The following RASGEF1A variants were observed in gnomAD, a reference collection of about 807,000 sequenced individuals.
The protein encoded by RASGEF1A is ras-GEF domain-containing family member 1A.
A neutral mutation model predicts 56.4 loss-of-function variants in RASGEF1A; 18 were observed. The ratio of observed to expected loss-of-function variants is 0.32; its 90% CI spans 0.22 to 0.47. The LOEUF (loss-of-function observed/expected upper bound fraction) is 0.47, where lower values mean the gene tolerates loss of function less well. Ranked by LOEUF, RASGEF1A falls within the 20% of genes least tolerant of loss-of-function variation. RASGEF1A has a pLI of 1.00. For synonymous variants in RASGEF1A, 245 were observed against 242.6 expected (o/e 1.01, Z -0.09); for missense variants, 422 against 627.1 (o/e 0.67, Z 3.49).
chr10:43,251,587 A>T (rs1840628134), intron 1 of RASGEF1A, among the ~76,000 whole-genome samples: 1 of 152,206 alleles, frequency 6.6e-6, no homozygotes, highest in Admixed American at 6.5e-5. Context: ...ATGTCAGCCC[A>T]GAGCCCACAG....
intron 1 of RASGEF1A, among the ~76,000 whole-genome samples, chr10:43,250,323 C>G (rs1379324068): frequency 6.6e-6 from 1 of 152,228 alleles, no homozygotes; most frequent in East Asian, 1.9e-4. Context: ...ACCTGAGCAG[C>G]TATGACGGTT....
Position 43,198,851 on chromosome 10 carries a change from C to T in RASGEF1A, c.1032+82G>A, listed in dbSNP as rs1434865137. 3.1e-6 allele frequency: 4 copies of T among 1,298,518 alleles called. No individual in the cohort carries two copies. In the African/African-American group the frequency reaches 4.4e-5, roughly 14 times the overall value. The allele number at this position is 1,298,518 out of a possible 1,614,324, so 80.4% of individuals were successfully genotyped here. A position where few individuals can be genotyped will look rare whatever the true frequency, so the allele number is the denominator to read the frequency against. Reference sequence around the variant, plus strand: ...CCAGGGAGAGGAGGGCAGCCCCCCACCCCCACTGTCAGGGCCCCCTTCGGG... The same window carrying T: ...CCAGGGAGAGGAGGGCAGCCCCCCATCCCCACTGTCAGGGCCCCCTTCGGG... On this transcript the variant is annotated intron_variant, in intron 9 of 12. Transcript: ENST00000395810.
intron 1 of RASGEF1A, among the ~76,000 whole-genome samples, chr10:43,209,761 CCACCCCAAGTCCAGCTGGGGCTG>C (rs1198677087): frequency 6.6e-6 from 1 of 152,200 alleles, no homozygotes; most frequent in Non-Finnish European, 1.5e-5. Context: ...ACCATCACCT[CCACCCCAAGTCCAGCTGGGGCTG>C]GCCTGGACAG....
chr10:43,214,310 C>T (rs1840106446), intron 1 of RASGEF1A, among the ~76,000 whole-genome samples: 1 of 152,196 alleles, frequency 6.6e-6, no homozygotes, highest in African/African-American at 2.4e-5. Flanking sequence ...CCCGAATGTT[C>T]TTTCTGTGTC....
intron 1 of RASGEF1A, among the ~76,000 whole-genome samples, chr10:43,257,591 TGCGCTTCCCCC>T (rs1169837686): frequency 2.6e-5 from 4 of 152,168 alleles, no homozygotes; most frequent in African/African-American, 9.7e-5. Context: ...CGTAGTGCCC[TGCGCTTCCCCC>T]GGGCCTCCCC....
chr10:43,258,015 AAAC>A (rs1268649152), intron 1 of RASGEF1A, among the ~76,000 whole-genome samples: 1 of 152,182 alleles, frequency 6.6e-6, no homozygotes, highest in African/African-American at 2.4e-5. Context: ...GAGGCTCAGA[AAAC>A]AACTAGGCTG....
At chr10:43,243,024 C>A (rs1840521407) in intron 1 of RASGEF1A, among the ~76,000 whole-genome samples, 1 of 145,376 alleles carries the variant, frequency 6.9e-6, no homozygotes, top group Non-Finnish European at 1.5e-5. Context: ...CCTCTGCCCG[C>A]CCGACCCATC....
intron 1 of RASGEF1A, among the ~76,000 whole-genome samples, chr10:43,242,229 T>G (rs1410290094): frequency 2.6e-5 from 4 of 152,090 alleles, no homozygotes; most frequent in African/African-American, 9.7e-5. Context: ...TATATTAATA[T>G]TAGAGAAAAT....
intron 1 of RASGEF1A, among the ~76,000 whole-genome samples, chr10:43,222,118 A>C (rs1588939337): frequency 7.5e-6 from 1 of 133,716 alleles, no homozygotes; most frequent in Non-Finnish European, 1.5e-5. Context: ...CCCAACCTGC[A>C]CAGTGTGTGA....
chr10:43,259,650 A>AT (rs1836491181), intron 1 of RASGEF1A, among the ~76,000 whole-genome samples: 1 of 152,194 alleles, frequency 6.6e-6, no homozygotes, highest in Non-Finnish European at 1.5e-5. Context: ...CAGCCCATGC[A>AT]CTGAGTCATA....
At chr10:43,235,649 C>T (rs934512172) in intron 1 of RASGEF1A, among the ~76,000 whole-genome samples, 4 of 152,206 alleles carry the variant, frequency 2.6e-5, no homozygotes, top group African/African-American at 4.8e-5. Context: ...CTCAGGGAGG[C>T]GGCACCAGTT....
intron 10 of RASGEF1A, 99 bp downstream of exon 10, chr10:43,197,905 C>T: frequency 9.4e-7 from 1 of 1,058,994 alleles, no homozygotes; most frequent in Non-Finnish European, 1.4e-6. Flanking sequence ...TCAGGCAGGG[C>T]TCAGGAAACC....
intron 2 of RASGEF1A, 64 bp downstream of exon 2, chr10:43,205,855 C>A: frequency 7.2e-7 from 1 of 1,384,996 alleles, no homozygotes; most frequent in Non-Finnish European, 1.0e-6. Flanking sequence ...CCCTCCCACA[C>A]CCGACATCTC....
chr10:43,206,760 G>C, intron 1 of RASGEF1A: 1 of 986,544 alleles, frequency 1.0e-6, no homozygotes, highest in African/African-American at 1.7e-5. Flanking sequence ...CAGGAGTGGC[G>C]AGCAGGGCCA....
chr10:43,241,789 C>T (rs1213320046), intron 1 of RASGEF1A, among the ~76,000 whole-genome samples: 1 of 152,004 alleles, frequency 6.6e-6, no homozygotes, highest in African/African-American at 2.4e-5. Context: ...CATGATCCAA[C>T]TACATGGCTT....
chr10:43,211,924 G>A (rs967721918), intron 1 of RASGEF1A, among the ~76,000 whole-genome samples: 1 of 152,220 alleles, frequency 6.6e-6, no homozygotes, highest in African/African-American at 2.4e-5. Context: ...TGAAGGGAGA[G>A]ACGGAAGCTA....
At chr10:43,248,838 A>G (rs1840595411) in intron 1 of RASGEF1A, among the ~76,000 whole-genome samples, 1 of 152,218 alleles carries the variant, frequency 6.6e-6, no homozygotes, top group Non-Finnish European at 1.5e-5. Flanking sequence ...GGTCATAAAC[A>G]TGACCCACAG....
intron 1 of RASGEF1A, among the ~76,000 whole-genome samples, chr10:43,209,568 G>A (rs2133192936): frequency 6.6e-6 from 1 of 152,340 alleles, no homozygotes; most frequent in Admixed American, 6.5e-5. Context: ...CTCACCCCCA[G>A]GAGCTGATTC....
At chr10:43,218,038 G>C (rs1840160023) in intron 1 of RASGEF1A, among the ~76,000 whole-genome samples, 1 of 152,172 alleles carries the variant, frequency 6.6e-6, no homozygotes, top group Non-Finnish European at 1.5e-5. Flanking sequence ...ACCCCAGCTG[G>C]GAGCCGGCAC....
Sources: gnomAD v4.1 joint callset for allele counts (sites outside exome capture counted in the v4.1 genomes callset) on GRCh38, gnomAD v4.1.1 for gene constraint, MANE v1.5 for transcripts, NCBI Gene and HGNC (gene_info 2026-07-23, HGNC 2026-07-21) for gene names.